Variants in DGKI observed in about 807,000 individuals in gnomAD.
DGKI encodes DAG kinase iota.
In DGKI, 55 loss-of-function variants were observed where a neutral mutation model predicts 147.5. That is an observed-to-expected ratio of 0.37 (90% CI 0.30 to 0.47). DGKI has a LOEUF of 0.47. Among genes scored for constraint, DGKI ranks in the 20% least tolerant of loss-of-function variants. The pLI is 1.00. For missense variants in DGKI, 1,007 were observed against 1,323.8 expected (o/e 0.76, Z 3.71); for synonymous variants, 469 against 477.1 (o/e 0.98, Z 0.22).
At chr7:137,416,536 C>T (rs901202642) in intron 28 of DGKI, among the ~76,000 whole-genome samples, 6 of 152,154 alleles carry the variant, frequency 3.9e-5, no homozygotes, top group African/African-American at 1.4e-4. Context: ...AGGAACCACT[C>T]CAAGGAGTGA....
chr7:137,434,969 A>C (rs1261203122), intron 28 of DGKI, among the ~76,000 whole-genome samples: 1 of 152,200 alleles, frequency 6.6e-6, no homozygotes, highest in African/African-American at 2.4e-5. Flanking sequence ...ACACCCACTG[A>C]GACTACCACA....
chr7:137,719,276 T>C (rs1231632531), intron 1 of DGKI, among the ~76,000 whole-genome samples: 2 of 152,060 alleles, frequency 1.3e-5, no homozygotes, highest in Non-Finnish European at 2.9e-5. Flanking sequence ...GCAGGAATCT[T>C]TGCAGCAGCC....
intron 3 of DGKI, among the ~76,000 whole-genome samples, chr7:137,672,857 C>T (rs1476019549): frequency 2.7e-5 from 4 of 148,862 alleles, no homozygotes; most frequent in African/African-American, 7.5e-5. Context: ...CTCGGCTTAC[C>T]GCAACCTCCG....
intron 13 of DGKI, 128 bp from the exon 14 acceptor site, chr7:137,585,474 AT>A: frequency 9.2e-7 from 1 of 1,092,720 alleles, no homozygotes; most frequent in Non-Finnish European, 1.3e-6. Flanking sequence ...TGAAGAGCAA[AT>A]TTTTTACCTT....
intron 3 of DGKI, among the ~76,000 whole-genome samples, chr7:137,659,984 T>C (rs1822367603): frequency 6.6e-6 from 1 of 152,210 alleles, no homozygotes; most frequent in South Asian, 2.1e-4. Flanking sequence ...TGGGACACAG[T>C]TGTTATAGAA....
At chr7:137,395,425 C>T (rs548463789) in intron 32 of DGKI, among the ~76,000 whole-genome samples, 173 bp downstream of exon 32, 15 of 152,366 alleles carry the variant, frequency 9.8e-5, no homozygotes, top group Admixed American at 7.8e-4. Flanking sequence ...TGTGCTTATA[C>T]ATTTAAATCA....
chr7:137,770,265 A>G (rs1047239865), intron 1 of DGKI, among the ~76,000 whole-genome samples: 1 of 150,120 alleles, frequency 6.7e-6, no homozygotes, highest in Non-Finnish European at 1.5e-5. Flanking sequence ...GAGTGAAACA[A>G]TGAGAACACA....
At chr7:137,622,646 C>G (rs561073290) in intron 7 of DGKI, among the ~76,000 whole-genome samples, 1 of 152,266 alleles carries the variant, frequency 6.6e-6, no homozygotes, top group East Asian at 1.9e-4. Context: ...CTGGGCATGG[C>G]TGCATTCCAG....
intron 2 of DGKI, among the ~76,000 whole-genome samples, chr7:137,683,914 G>T (rs146998685): frequency 6.6e-6 from 1 of 152,134 alleles, no homozygotes; most frequent in Admixed American, 6.5e-5. Context: ...AAGTGCTACC[G>T]AAATTCTAGT....
chr7:137,769,009 A>G (rs1035656398), intron 1 of DGKI, among the ~76,000 whole-genome samples: 1 of 152,234 alleles, frequency 6.6e-6, no homozygotes, highest in Admixed American at 6.5e-5. Context: ...GAGATTTCTG[A>G]AGAAGTCAGA....
At chr7:137,758,710 TTA>T (rs757230084) in intron 1 of DGKI, among the ~76,000 whole-genome samples, 1 of 149,908 alleles carries the variant, frequency 6.7e-6, no homozygotes, top group Non-Finnish European at 1.5e-5. Flanking sequence ...ATAAATAAAA[TTA>T]TATATATATA....
chr7:137,824,855 C>A (rs1798010175), intron 1 of DGKI, among the ~76,000 whole-genome samples: 1 of 152,188 alleles, frequency 6.6e-6, no homozygotes, highest in Non-Finnish European at 1.5e-5. Flanking sequence ...TAATGGCCTC[C>A]AGCTTCATCC....
intron 20 of DGKI, among the ~76,000 whole-genome samples, chr7:137,532,244 T>C (rs1296448756): frequency 6.6e-6 from 1 of 152,134 alleles, no homozygotes; most frequent in African/African-American, 2.4e-5. Context: ...TGTGTGGTAG[T>C]AGATCTGCAT....
chr7:137,508,246 GAGACGGAGT>G (rs1816440554), intron 21 of DGKI, among the ~76,000 whole-genome samples: 1 of 8,780 alleles, frequency 1.1e-4, no homozygotes, highest in Non-Finnish European at 2.8e-4. Flanking sequence ...TTTTTTTTTT[GAGACGGAGT>G]CTCACTCTGT....
At chr7:137,613,929 C>T (rs1156758352) in intron 8 of DGKI, among the ~76,000 whole-genome samples, 2 of 152,118 alleles carry the variant, frequency 1.3e-5, no homozygotes, top group Non-Finnish European at 2.9e-5. Flanking sequence ...CATTTCCATG[C>T]ATGTAAACGC....
chr7:137,734,023 T>C (rs1390455711), intron 1 of DGKI, among the ~76,000 whole-genome samples: 1 of 152,094 alleles, frequency 6.6e-6, no homozygotes, highest in Non-Finnish European at 1.5e-5. Flanking sequence ...GCATTCCTAA[T>C]CTTCATTAAT....
chr7:137,801,792 T>G (rs566530213), intron 1 of DGKI, among the ~76,000 whole-genome samples: 1 of 152,254 alleles, frequency 6.6e-6, no homozygotes, highest in African/African-American at 2.4e-5. Flanking sequence ...CAATATGGGT[T>G]TGTGGCTGGG....
intron 27 of DGKI, among the ~76,000 whole-genome samples, chr7:137,461,185 T>C (rs897914087): frequency 6.6e-6 from 1 of 152,192 alleles, no homozygotes; most frequent in Non-Finnish European, 1.5e-5. Flanking sequence ...GGGAAGATAG[T>C]GTAGGACAAT....
intron 20 of DGKI, among the ~76,000 whole-genome samples, chr7:137,529,273 A>G (rs1016510248): frequency 1.3e-5 from 2 of 152,158 alleles, no homozygotes; most frequent in African/African-American, 4.8e-5. Flanking sequence ...CTGATTCACC[A>G]CTATGTAATC....
Sources: allele counts gnomAD v4.1 joint callset (sites outside exome capture counted in the v4.1 genomes callset), GRCh38; gene constraint gnomAD v4.1.1; transcripts MANE v1.5; gene names NCBI Gene and HGNC (gene_info 2026-07-23, HGNC 2026-07-21).